MARCHF3: variants seen among roughly 807,000 people sequenced by gnomAD.
MARCHF3 encodes the protein E3 ubiquitin-protein ligase MARCHF3.
In MARCHF3, 13 loss-of-function variants were observed where a neutral mutation model predicts 24.2. The observed-to-expected ratio is 0.54, with a 90% confidence interval of 0.35 to 0.85. The LOEUF (loss-of-function observed/expected upper bound fraction) is 0.85. Ranked by LOEUF, MARCHF3 falls within the 40% of genes least tolerant of loss-of-function variation. MARCHF3 has a pLI of 0.01. For missense variants in MARCHF3, 276 were observed against 325.0 expected (o/e 0.85, Z 1.16); for synonymous variants, 144 against 137.3 (o/e 1.05, Z -0.34).
rs73335432 is a variant in MARCHF3, at chr5:126,876,459, A to C, written c.603+1726T>G. Among the ~76,000 whole-genome samples the C allele has an allele frequency of 6.6e-3, 1,000 of 152,314 alleles. 15 individuals carry two copies. The highest frequency in any genetic ancestry group is 0.022 in the African/African-American group (908 of 41,574). ...CAGGATGGGCATTACCACTATTTCC[A>C]CTTGACAGATGAGGACACTGAGCCT... On this transcript the variant is annotated intron_variant, in intron 4 of 4. Coordinates refer to ENST00000308660, the MANE Select transcript of MARCHF3 (RefSeq NM_178450.5).
rs572213395 is a variant in MARCHF3, at chr5:126,893,540, G to A, written c.394-15146C>T. ...ACATCTTTATTTCTGCCTTCATTTCGTTATGTATCCAGTAGTCATTCAGGA... is the reference window on the plus strand; with the variant it reads ...ACATCTTTATTTCTGCCTTCATTTCATTATGTATCCAGTAGTCATTCAGGA... On this transcript the variant is annotated intron_variant, in intron 3 of 4. Coordinates refer to ENST00000308660, the MANE Select transcript of MARCHF3 (RefSeq NM_178450.5). Among the ~76,000 whole-genome samples, 21 of 151,978 alleles carry A rather than the reference G, an allele frequency of 1.4e-4. 2 individuals carry two copies. Among genetic ancestry groups the A allele is most frequent in the East Asian group, 9.6e-4 (5 of 5,182 alleles).
intron 1 of MARCHF3, among the ~76,000 whole-genome samples, chr5:126,980,950 C>T (rs1397595082): frequency 2.0e-5 from 3 of 152,232 alleles, no homozygotes; most frequent in Middle Eastern, 3.4e-3. Context: ...CATCCATGGC[C>T]CCAGACTGAA....
At chr5:126,978,828 C>T (rs1033482915) in intron 1 of MARCHF3, among the ~76,000 whole-genome samples, 2 of 152,134 alleles carry the variant, frequency 1.3e-5, no homozygotes, top group African/African-American at 4.8e-5. Flanking sequence ...ATGGAGCAGG[C>T]CTCATGGATG....
rs572851670 is a variant in MARCHF3 at position 126,868,435 on chromosome 5, G to A, written c.*2198C>T. Reference sequence around the variant, plus strand: ...GACTCTGTTTTACTTCACAGGGCAGGGATGCAAACACGAAGGAAAGAGGTG... The same window carrying A: ...GACTCTGTTTTACTTCACAGGGCAGAGATGCAAACACGAAGGAAAGAGGTG... On this transcript the variant is annotated 3_prime_UTR_variant, in exon 5 of 5. Coordinates refer to ENST00000308660, the MANE Select transcript of MARCHF3 (RefSeq NM_178450.5). 39 of 151,236 alleles carry A rather than the reference G, an allele frequency of 2.6e-4. No individual in the cohort carries two copies. Among genetic ancestry groups the A allele is most frequent in the African/African-American group, 9.1e-4 (37 of 40,548 alleles). The allele number at this position is 151,236 out of a possible 1,614,324, so 9.4% of individuals were successfully genotyped here. A position where few individuals can be genotyped will look rare whatever the true frequency, so the allele number is the denominator to read the frequency against.
At chr5:126,990,813 G>A (rs1751733626) in intron 1 of MARCHF3, among the ~76,000 whole-genome samples, 1 of 152,230 alleles carries the variant, frequency 6.6e-6, no homozygotes, top group Non-Finnish European at 1.5e-5. Flanking sequence ...ATCATCACTG[G>A]TCATCAGAGA....
At chr5:127,012,041 C>A (rs1435454148) in intron 1 of MARCHF3, among the ~76,000 whole-genome samples, 1 of 152,168 alleles carries the variant, frequency 6.6e-6, no homozygotes, top group East Asian at 1.9e-4. Flanking sequence ...ATGCAGCAAG[C>A]GTGGTGAGAC....
chr5:126,954,199 A>ATTTT (rs750262766), intron 1 of MARCHF3, among the ~76,000 whole-genome samples: 2 of 114,086 alleles, frequency 1.8e-5, no homozygotes, highest in Non-Finnish European at 3.5e-5. Context: ...CGCCCGGCTA[A>ATTTT]TTTTTTTTTT....
chr5:126,931,710 T>C (rs58148331), intron 1 of MARCHF3, among the ~76,000 whole-genome samples: 2,368 of 152,180 alleles, frequency 0.016, 58 homozygotes, highest in African/African-American at 0.051. Context: ...GTATAATCTC[T>C]ACCGCAAAGT....
chr5:126,952,278 G>C (rs1750270015), intron 1 of MARCHF3, among the ~76,000 whole-genome samples: 1 of 152,120 alleles, frequency 6.6e-6, no homozygotes, highest in African/African-American at 2.4e-5. Flanking sequence ...TTTTTATTAG[G>C]GGGAGGGGAG....
chr5:126,917,659 G>A (rs978964550), intron 2 of MARCHF3, among the ~76,000 whole-genome samples: 1 of 152,064 alleles, frequency 6.6e-6, no homozygotes, highest in Non-Finnish European at 1.5e-5. Flanking sequence ...GTTCCAATAG[G>A]ACCACCTTTG....
intron 1 of MARCHF3, among the ~76,000 whole-genome samples, chr5:126,925,060 C>T (rs1027940674): frequency 6.6e-6 from 1 of 152,180 alleles, no homozygotes; most frequent in Non-Finnish European, 1.5e-5. Context: ...AAAAATACTT[C>T]TCTTTTTGTT....
intron 3 of MARCHF3, among the ~76,000 whole-genome samples, chr5:126,909,466 A>G (rs1754431173): frequency 6.6e-6 from 1 of 152,200 alleles, no homozygotes; most frequent in African/African-American, 2.4e-5. Flanking sequence ...GCTAGCAATC[A>G]GCGACACTCC....
rs750104821 is a variant in MARCHF3 at position 126,918,087 on chromosome 5, C to T, written c.85G>A (p.Asp29Asn). Residue 29 changes from aspartate (D) to asparagine (N), a missense_variant, in exon 2 of 5, where the codon GAT (aspartate) becomes AAT (asparagine). Physicochemically the swap from Asp to Asn is conservative, Grantham distance 23. Coordinates refer to ENST00000308660, the MANE Select transcript of MARCHF3 (RefSeq NM_178450.5). ...SAAPVVKTVE[D>N]CGSLVNGQPQ... ...TGCCCATTCACTAGGCTGCCACAAT[C>T]CTCCACCGTCTTCACCACGGGTGCA... 2 of 1,614,206 alleles carry T rather than the reference C, an allele frequency of 1.2e-6. No individual in the cohort carries two copies. The highest frequency in any genetic ancestry group is 1.7e-6 in the Non-Finnish European group (2 of 1,180,038).
chr5:126,965,383 C>T (rs185623155), intron 1 of MARCHF3, among the ~76,000 whole-genome samples: 100 of 152,222 alleles, frequency 6.6e-4, no homozygotes, highest in Admixed American at 3.0e-3. Flanking sequence ...CACTGACTTC[C>T]ACAGAAAGTT....
chr5:126,892,623 A>T (rs1435112903), intron 3 of MARCHF3, among the ~76,000 whole-genome samples: 2 of 149,996 alleles, frequency 1.3e-5, no homozygotes, highest in Non-Finnish European at 2.9e-5. Context: ...CCAACCTTGC[A>T]TCCCAGGGAT....
At chr5:126,975,916 T>C (rs574702769) in intron 1 of MARCHF3, among the ~76,000 whole-genome samples, 1 of 152,334 alleles carries the variant, frequency 6.6e-6, no homozygotes, top group South Asian at 2.1e-4. Flanking sequence ...CTTTGCCATA[T>C]CATATTCCCA....
intron 1 of MARCHF3, among the ~76,000 whole-genome samples, chr5:126,960,367 C>T (rs191203508): frequency 6.6e-6 from 1 of 152,076 alleles, no homozygotes; most frequent in South Asian, 2.1e-4. Context: ...GTTTAATAGT[C>T]ATAATGCCCC....
rs967543234 is a variant in MARCHF3, at chr5:126,938,261, A to G, written c.-56-20034T>C. ...TGGCTCATTGCAATCTCTGCCTCCC[A>G]GGTTCAAGCGATTCTGATGCCTCAG... On this transcript the variant is annotated intron_variant, in intron 1 of 4. Coordinates refer to ENST00000308660, the MANE Select transcript of MARCHF3 (RefSeq NM_178450.5). Among the ~76,000 whole-genome samples the G allele has an allele frequency of 6.3e-5, 9 of 143,002 alleles. No individual in the cohort carries two copies. In the Admixed American group the frequency reaches 6.8e-4, roughly 11 times the overall value. The allele number at this position is 143,002 out of a possible 152,430, so 93.8% of individuals were successfully genotyped here. A position where few individuals can be genotyped will look rare whatever the true frequency, so the allele number is the denominator to read the frequency against.
chr5:126,968,937 T>G (rs1024384835), intron 1 of MARCHF3, among the ~76,000 whole-genome samples: 1 of 152,208 alleles, frequency 6.6e-6, no homozygotes, highest in Non-Finnish European at 1.5e-5. Flanking sequence ...TATGCAAATA[T>G]TTCCTTCCAT....
Sources: gnomAD v4.1 joint callset for allele counts (sites outside exome capture counted in the v4.1 genomes callset) on GRCh38, gnomAD v4.1.1 for gene constraint, MANE v1.5 for transcripts, NCBI Gene and HGNC (gene_info 2026-07-23, HGNC 2026-07-21) for gene names.